The following DPYD variants were observed in gnomAD, a reference collection of about 807,000 sequenced individuals.
The protein encoded by DPYD is dihydropyrimidine dehydrogenase [NADP(+)].
Under a neutral mutation model 116.2 loss-of-function variants are expected in DPYD, and 109 were observed. The ratio of observed to expected loss-of-function variants is 0.94; its 90% CI spans 0.80 to 1.10. The LOEUF (loss-of-function observed/expected upper bound fraction) is 1.10, where lower values mean the gene tolerates loss of function less well. DPYD is among the 50% of genes least tolerant of loss of function. DPYD has a pLI of 0.00. For synonymous variants in DPYD, 440 were observed against 432.0 expected (o/e 1.02, Z -0.23); for missense variants, 1,302 against 1,254.5 (o/e 1.04, Z -0.57).
At chr1:97,452,116 C>T (rs566927939) in intron 13 of DPYD, among the ~76,000 whole-genome samples, 1 of 152,212 alleles carries the variant, frequency 6.6e-6, no homozygotes, top group East Asian at 1.9e-4. Context: ...AGCAGCATCC[C>T]TACTCCCGCC....
At chr1:97,682,373 G>C (rs1472995911) in intron 7 of DPYD, among the ~76,000 whole-genome samples, 1 of 151,816 alleles carries the variant, frequency 6.6e-6, no homozygotes, top group Non-Finnish European at 1.5e-5. Flanking sequence ...TGAGGACAAA[G>C]CCATAACAAG....
intron 20 of DPYD, among the ~76,000 whole-genome samples, chr1:97,144,217 T>A (rs1654445649): frequency 6.6e-6 from 1 of 152,224 alleles, no homozygotes; most frequent in Non-Finnish European, 1.5e-5. Context: ...CAAATGCCTT[T>A]CTTTCAGCTT....
intron 11 of DPYD, among the ~76,000 whole-genome samples, chr1:97,572,210 TGA>T (rs1652950535): frequency 6.6e-6 from 1 of 152,026 alleles, no homozygotes; most frequent in Non-Finnish European, 1.5e-5. Flanking sequence ...GCATAAATTC[TGA>T]AATGACCTAG....
intron 14 of DPYD, among the ~76,000 whole-genome samples, chr1:97,385,114 T>C (rs1022021123): frequency 6.6e-6 from 1 of 151,712 alleles, no homozygotes; most frequent in African/African-American, 2.4e-5. Context: ...ACCATGTAAT[T>C]ACACAGCTTC....
intron 8 of DPYD, among the ~76,000 whole-genome samples, chr1:97,606,394 A>C (rs547234481): frequency 3.3e-5 from 5 of 152,154 alleles, no homozygotes; most frequent in African/African-American, 9.6e-5. Flanking sequence ...AGAAGGATGC[A>C]TAGGTTACCA....
intron 17 of DPYD, 32 bp from the exon 18 acceptor site, chr1:97,305,410 C>A (rs759406163): frequency 6.2e-7 from 1 of 1,611,514 alleles, no homozygotes; most frequent in Middle Eastern, 1.7e-4. Context: ...TTTCATGCAG[C>A]TCTTATAAGA....
intron 18 of DPYD, among the ~76,000 whole-genome samples, chr1:97,270,031 A>C (rs926891577): frequency 1.3e-5 from 2 of 152,186 alleles, no homozygotes; most frequent in African/African-American, 4.8e-5. Context: ...TCCATATTTC[A>C]GGTGCTTTTC....
In DPYD at chr1:97,242,124, GTATATATATATATA is replaced by G. The variant is rs71590220; in HGVS notation, c.2300-7144_2300-7131del. On this transcript the variant is annotated intron_variant, in intron 18 of 22. Transcript: ENST00000370192. The stretch of plus-strand genomic sequence containing the variant: ...TAATTTGCAACGTGTGTGTGCGTGT[GTATATATATATATA>G]TATATATATATATATATATATATAT... 2.0e-3 allele frequency among the ~76,000 whole-genome samples: 70 copies of G among 35,862 alleles called. 3 individuals are homozygous for G. The highest frequency in any genetic ancestry group is 9.3e-4 in the Non-Finnish European group (19 of 20,526). The allele number at this position is 35,862 out of a possible 152,430, so 23.5% of individuals were successfully genotyped here. A position where few individuals can be genotyped will look rare whatever the true frequency, so the allele number is the denominator to read the frequency against.
At chr1:97,417,251 T>A (rs1462373419) in intron 14 of DPYD, among the ~76,000 whole-genome samples, 2 of 152,156 alleles carry the variant, frequency 1.3e-5, no homozygotes, top group Non-Finnish European at 2.9e-5. Flanking sequence ...GTTGTCTTAG[T>A]GAATTGTTGA....
At chr1:97,451,173 T>C (rs1016682917) in intron 13 of DPYD, among the ~76,000 whole-genome samples, 32 of 152,182 alleles carry the variant, frequency 2.1e-4, no homozygotes, top group African/African-American at 7.0e-4. Flanking sequence ...AACCACCCCA[T>C]ATAAAACAAT....
chr1:97,573,888 A>C lies in DPYD; in HGVS notation c.1211T>G (p.Val404Gly), dbSNP rs774883578. Residue 404 changes from valine to glycine, a missense_variant, in exon 11 of 23, where the codon GTT becomes GGT. Physicochemically the swap from Val to Gly is moderately radical, Grantham distance 109. Coordinates refer to ENST00000370192, the MANE Select transcript of DPYD (RefSeq NM_000110.4). Reference sequence around the variant, plus strand: ...CTCTGTCCGAACAAACTGCATAGCAACAATTCTCCCACCTTTTACTATAAC... The same window carrying C: ...CTCTGTCCGAACAAACTGCATAGCACCAATTCTCCCACCTTTTACTATAAC... Reference protein sequence around the residue: ...RKVIVKGGRIVAMQFVRTEQD... With the variant: ...RKVIVKGGRIGAMQFVRTEQD... 5 of 1,613,642 alleles carry C rather than the reference A, an allele frequency of 3.1e-6. No homozygotes were observed. The highest frequency in any genetic ancestry group is 4.2e-6 in the Non-Finnish European group (5 of 1,179,736).
chr1:97,341,419 T>C (rs1235840240), intron 16 of DPYD, among the ~76,000 whole-genome samples: 1 of 152,156 alleles, frequency 6.6e-6, no homozygotes, highest in Non-Finnish European at 1.5e-5. Context: ...TCATGAATCC[T>C]TCTCTCTCCT....
chr1:97,776,885 G>A (rs373415408), intron 3 of DPYD, among the ~76,000 whole-genome samples: 2 of 152,084 alleles, frequency 1.3e-5, no homozygotes, highest in Non-Finnish European at 2.9e-5. Flanking sequence ...TTTATTAATT[G>A]TCAAAATTAG....
intron 14 of DPYD, among the ~76,000 whole-genome samples, chr1:97,415,417 A>C (rs1313222741): frequency 6.6e-6 from 1 of 152,056 alleles, no homozygotes; most frequent in East Asian, 1.9e-4. Flanking sequence ...AGCCTCCGCC[A>C]CCAGGGCTCA....
intron 8 of DPYD, among the ~76,000 whole-genome samples, chr1:97,601,720 G>A (rs995444872): frequency 6.6e-6 from 1 of 151,938 alleles, no homozygotes; most frequent in African/African-American, 2.4e-5. Context: ...ATGAGAAAGA[G>A]AATAGATCAA....
intron 20 of DPYD, among the ~76,000 whole-genome samples, chr1:97,170,919 A>C (rs1329575292): frequency 1.3e-5 from 2 of 151,972 alleles, no homozygotes; most frequent in Non-Finnish European, 2.9e-5. Flanking sequence ...ATGATCCACA[A>C]ACCTCGGCCT....
intron 18 of DPYD, among the ~76,000 whole-genome samples, chr1:97,242,533 A>G (rs562375662): frequency 6.6e-6 from 1 of 151,702 alleles, no homozygotes; most frequent in South Asian, 2.1e-4. Flanking sequence ...CATCTCTGGG[A>G]AAGGGGGTGA....
intron 5 of DPYD, among the ~76,000 whole-genome samples, chr1:97,707,816 T>C (rs1005021333): frequency 2.0e-4 from 30 of 152,034 alleles, no homozygotes; most frequent in Non-Finnish European, 3.5e-4. Flanking sequence ...TGGTGAGATA[T>C]CTGCTAAGGT....
At chr1:97,250,307 A>G (rs1663002566) in intron 18 of DPYD, among the ~76,000 whole-genome samples, 1 of 152,096 alleles carries the variant, frequency 6.6e-6, no homozygotes, top group Non-Finnish European at 1.5e-5. Flanking sequence ...ATAAATAAAG[A>G]TAAATCACTT....
Sources: allele counts gnomAD v4.1 joint callset (sites outside exome capture counted in the v4.1 genomes callset), GRCh38; gene constraint gnomAD v4.1.1; transcripts MANE v1.5; gene names NCBI Gene and HGNC (gene_info 2026-07-23, HGNC 2026-07-21).